SLC35F1: variants seen among roughly 807,000 people sequenced by gnomAD.
SLC35F1 encodes the protein chromosome 6 open reading frame 169.
In SLC35F1, 14 loss-of-function variants were observed where a neutral mutation model predicts 48.7. The observed-to-expected ratio is 0.29, with a 90% CI of 0.19 to 0.45. SLC35F1 has a LOEUF of 0.45. SLC35F1 is among the 20% of genes least tolerant of loss of function. The pLI is 1.00. For missense variants in SLC35F1, 404 were observed against 500.0 expected (o/e 0.81, Z 1.83); for synonymous variants, 190 against 202.2 (o/e 0.94, Z 0.51).
intron 2 of SLC35F1, among the ~76,000 whole-genome samples, chr6:118,199,584 A>G (rs1774846752): frequency 1.3e-5 from 2 of 152,254 alleles, no homozygotes; most frequent in African/African-American, 4.8e-5. Flanking sequence ...TAAGATATTG[A>G]ACAACCAGTT....
intron 1 of SLC35F1, among the ~76,000 whole-genome samples, chr6:118,036,891 A>G (rs1486488154): frequency 1.3e-5 from 2 of 152,120 alleles, no homozygotes; most frequent in Non-Finnish European, 2.9e-5. Context: ...TGTTCTATCA[A>G]TTTCTGAAAG....
intron 1 of SLC35F1, among the ~76,000 whole-genome samples, chr6:117,923,790 T>C (rs1775973825): frequency 1.2e-5 from 1 of 83,894 alleles, no homozygotes; most frequent in Admixed American, 1.0e-4. Context: ...TATACATATA[T>C]GTACATATAT....
intron 1 of SLC35F1, among the ~76,000 whole-genome samples, chr6:117,997,571 A>C (rs1265973103): frequency 1.3e-5 from 2 of 152,228 alleles, no homozygotes; most frequent in Non-Finnish European, 2.9e-5. Flanking sequence ...CTAACAGTGG[A>C]TCTCTCAGCA....
chr6:118,033,896 G>T (rs578142469), intron 1 of SLC35F1, among the ~76,000 whole-genome samples: 1 of 152,304 alleles, frequency 6.6e-6, no homozygotes, highest in South Asian at 2.1e-4. Context: ...CTTGTTCATC[G>T]TTATATTTCA....
chr6:117,930,093 CT>C (rs1215454526), intron 1 of SLC35F1, among the ~76,000 whole-genome samples: 1 of 152,200 alleles, frequency 6.6e-6, no homozygotes, highest in Non-Finnish European at 1.5e-5. Flanking sequence ...CGAGCCCATG[CT>C]CTTACATAGC....
chr6:118,298,423 G>A (rs1311261414), intron 7 of SLC35F1, among the ~76,000 whole-genome samples: 1 of 151,972 alleles, frequency 6.6e-6, no homozygotes, highest in Non-Finnish European at 1.5e-5. Context: ...TAACCCCCTT[G>A]TGACCTTATT....
At chr6:118,200,823 G>A (rs73766467) in intron 2 of SLC35F1, among the ~76,000 whole-genome samples, 1,777 of 152,188 alleles carry the variant, frequency 0.012, 41 homozygotes, top group African/African-American at 0.041. Flanking sequence ...TCCTGCAATC[G>A]TCAACATCAT....
intron 1 of SLC35F1, among the ~76,000 whole-genome samples, chr6:118,149,956 C>T (rs936072315): frequency 6.6e-6 from 1 of 152,144 alleles, no homozygotes; most frequent in Non-Finnish European, 1.5e-5. Context: ...TAAGTTCTTG[C>T]ACTCAATCAG....
chr6:118,192,064 C>T (rs1774739932), intron 2 of SLC35F1, among the ~76,000 whole-genome samples: 1 of 152,016 alleles, frequency 6.6e-6, no homozygotes, highest in African/African-American at 2.4e-5. Context: ...GGCATGAGTC[C>T]TTGTTTAATA....
intron 1 of SLC35F1, among the ~76,000 whole-genome samples, chr6:118,141,386 G>A (rs1011168135): frequency 2.7e-5 from 4 of 148,402 alleles, no homozygotes; most frequent in East Asian, 1.9e-4. Context: ...CTAGGTTTGC[G>A]TAAGTACACT....
At chr6:118,289,714 C>T (rs958988449) in intron 7 of SLC35F1, among the ~76,000 whole-genome samples, 2 of 152,056 alleles carry the variant, frequency 1.3e-5, no homozygotes, top group African/African-American at 4.8e-5. Flanking sequence ...CTGGCCATAC[C>T]TTACAATCAC....
chr6:118,265,954 A>G (rs945511259), intron 3 of SLC35F1, among the ~76,000 whole-genome samples: 9 of 152,236 alleles, frequency 5.9e-5, no homozygotes, highest in Non-Finnish European at 1.2e-4. Context: ...ACAGTGTGGT[A>G]GAATCTGAAT....
At chr6:118,172,081 G>A (rs377205568) in intron 2 of SLC35F1, among the ~76,000 whole-genome samples, 7 of 151,830 alleles carry the variant, frequency 4.6e-5, no homozygotes, top group South Asian at 2.1e-4. Context: ...CATAAATGAC[G>A]TCAGTAATAA....
chr6:118,136,943 T>C (rs537804299), intron 1 of SLC35F1, among the ~76,000 whole-genome samples: 119 of 152,236 alleles, frequency 7.8e-4, no homozygotes, highest in Non-Finnish European at 1.4e-3. Flanking sequence ...GGAACTGGAA[T>C]ATAGATTAGG....
intron 2 of SLC35F1, among the ~76,000 whole-genome samples, chr6:118,182,485 C>G (rs1387538179): frequency 8.5e-6 from 1 of 117,470 alleles, no homozygotes; most frequent in East Asian, 2.7e-4. Context: ...GAGTGAGACC[C>G]TGTCAAAAAA....
chr6:118,225,031 A>C (rs763681237), intron 2 of SLC35F1, among the ~76,000 whole-genome samples: 29 of 152,238 alleles, frequency 1.9e-4, no homozygotes, highest in Non-Finnish European at 3.2e-4. Context: ...AAGAGGACAC[A>C]CAAAAAATGA....
At position 118,100,789 on chromosome 6, in the gene SLC35F1, T is replaced by C. The variant is rs148027889; in HGVS notation, c.174-53656T>C. Among the ~76,000 whole-genome samples the C allele has an allele frequency of 2.3e-3, 352 of 152,298 alleles. 1 individual carries two copies. Among genetic ancestry groups the C allele is most frequent in the African/African-American group, 8.2e-3 (342 of 41,566 alleles). On this transcript the variant is annotated intron_variant, in intron 1 of 7. Coordinates refer to ENST00000360388, the MANE Select transcript of SLC35F1 (RefSeq NM_001029858.4). ...CACTCTCCAGCCCCACTCTATTCCC[T>C]GATGGCAGGGCCTATATCATGTGGT...
At chr6:118,057,449 A>G (rs753998844) in intron 1 of SLC35F1, among the ~76,000 whole-genome samples, 3 of 152,146 alleles carry the variant, frequency 2.0e-5, no homozygotes, top group Non-Finnish European at 4.4e-5. Flanking sequence ...AAAGGATAAC[A>G]TTGAACACTG....
At chr6:118,035,809 C>T (rs1472875818) in intron 1 of SLC35F1, among the ~76,000 whole-genome samples, 1 of 143,362 alleles carries the variant, frequency 7.0e-6, no homozygotes, top group Non-Finnish European at 1.5e-5. Flanking sequence ...CCTGCCTCAG[C>T]CCCCACATAG....
Sources: allele counts gnomAD v4.1 joint callset (sites outside exome capture counted in the v4.1 genomes callset), GRCh38; gene constraint gnomAD v4.1.1; transcripts MANE v1.5; gene names NCBI Gene and HGNC (gene_info 2026-07-23, HGNC 2026-07-21).